The following SMARCA2 variants were observed in gnomAD, a reference collection of about 807,000 sequenced individuals.
SMARCA2 encodes the protein SWI/SNF related BAF chromatin remodeling complex subunit ATPase 2.
In SMARCA2, 61 loss-of-function variants were observed where a neutral mutation model predicts 199.8. That is an observed-to-expected ratio of 0.31 (90% CI 0.25 to 0.38). The LOEUF (loss-of-function observed/expected upper bound fraction) is 0.38. SMARCA2 is among the 10% of genes least tolerant of loss of function. The pLI is 1.00. For synonymous variants in SMARCA2, 935 were observed against 732.0 expected (o/e 1.28, Z -4.48); for missense variants, 1,344 against 2,012.2 (o/e 0.67, Z 6.35).
intron 13 of SMARCA2, 145 bp downstream of exon 13, chr9:2,076,474 G>A (rs1821328804): frequency 3.4e-6 from 2 of 585,802 alleles, no homozygotes; most frequent in Admixed American, 3.1e-5. Flanking sequence ...TCACCACTGA[G>A]TTCTGGGTTC....
rs573903558 is a variant in SMARCA2 at position 2,177,576 on chromosome 9, G to T, written c.4254-3995G>T. Among the ~76,000 whole-genome samples the T allele has an allele frequency of 1.5e-3, 226 of 150,832 alleles. 1 individual carries two copies. Among genetic ancestry groups the T allele is most frequent in the Middle Eastern group, 3.4e-3 (1 of 292 alleles). On this transcript the variant is annotated intron_variant, in intron 29 of 33. Coordinates refer to ENST00000349721, the MANE Select transcript of SMARCA2 (RefSeq NM_003070.5). ...TAGATTTCTTTTTTTTTTTGAAACT[G>T]AGTTTCGCTCTCGTTGCCCAGGCTG...
chr9:2,055,055 G>A (rs1320696263), intron 6 of SMARCA2, among the ~76,000 whole-genome samples: 1 of 152,182 alleles, frequency 6.6e-6, no homozygotes, highest in Non-Finnish European at 1.5e-5. Flanking sequence ...TGACTCCAAG[G>A]AAAAACCAGA....
chr9:2,136,780 A>G (rs1327220446), intron 27 of SMARCA2, among the ~76,000 whole-genome samples: 1 of 152,180 alleles, frequency 6.6e-6, no homozygotes, highest in East Asian at 1.9e-4. Context: ...ACAGATGGAA[A>G]TTGATAGAGA....
Position 2,016,724 on chromosome 9 carries a change from C to T in SMARCA2, c.-37+1320C>T, listed in dbSNP as rs910516810. On this transcript the variant is annotated intron_variant, in intron 1 of 33. Transcript: ENST00000349721. This position sits in a 1 kb window ranked among gnomAD's most constrained non-coding sequence, Gnocchi z 5.6. ...GGGGAGACCGGGTAGGAGCCTCCTCCCAACGATGACACGCACTCCTTCCTT... is the reference window on the plus strand; with the variant it reads ...GGGGAGACCGGGTAGGAGCCTCCTCTCAACGATGACACGCACTCCTTCCTT... 5.9e-5 allele frequency among the ~76,000 whole-genome samples: 9 copies of T among 152,074 alleles called. No individual in the cohort carries two copies. The highest frequency in any genetic ancestry group is 3.3e-4 in the Admixed American group (5 of 15,288).
chr9:2,032,253 C>G (rs1819103426), intron 2 of SMARCA2, among the ~76,000 whole-genome samples: 1 of 152,192 alleles, frequency 6.6e-6, no homozygotes. Flanking sequence ...TTGCCCAATT[C>G]TGGATTGGAT....
chr9:2,029,474 G>A (rs556683063), intron 2 of SMARCA2, among the ~76,000 whole-genome samples: 21 of 152,330 alleles, frequency 1.4e-4, no homozygotes, highest in Admixed American at 1.2e-3. Flanking sequence ...TACTGACATA[G>A]ACTATGCAGT....
intron 30 of SMARCA2, 33 bp downstream of exon 30, chr9:2,181,709 A>G: frequency 9.2e-7 from 1 of 1,082,976 alleles, no homozygotes; most frequent in South Asian, 1.3e-5. Flanking sequence ...TTATTCTTCA[A>G]GTAAATAAAG....
intron 4 of SMARCA2, chr9:2,041,375 G>A (rs1390169891): frequency 2.5e-6 from 1 of 398,634 alleles, no homozygotes; most frequent in Non-Finnish European, 4.4e-6. Context: ...AGCAGATTCA[G>A]TGTCTGGTGA....
At chr9:2,094,371 T>G (rs575881751) in intron 19 of SMARCA2, among the ~76,000 whole-genome samples, 4 of 152,258 alleles carry the variant, frequency 2.6e-5, no homozygotes, top group Non-Finnish European at 5.9e-5. Flanking sequence ...GGTATCACCA[T>G]GCATGCCTCC....
intron 29 of SMARCA2, among the ~76,000 whole-genome samples, chr9:2,177,147 C>T (rs1048669380): frequency 1.3e-5 from 2 of 152,168 alleles, no homozygotes; most frequent in African/African-American, 4.8e-5. Flanking sequence ...TATTAAACTT[C>T]ATAGGAACCT....
At chr9:2,143,963 AC>A (rs1398147689) in intron 27 of SMARCA2, among the ~76,000 whole-genome samples, 2 of 152,194 alleles carry the variant, frequency 1.3e-5, no homozygotes, top group African/African-American at 2.4e-5. Flanking sequence ...GAAAAGACAT[AC>A]AAAATGTTAA....
chr9:2,039,584 A>G lies in SMARCA2; in HGVS notation c.474A>G (p.Pro158=), dbSNP rs969557644. ...CAAGCCAGCCGGGGGCCCTCATCCC[A>G]GGTGATCCGCAGGCCATGAGCCAGC... ...MPPSQPGALI[P]GDPQAMSQPN... The change falls in exon 4 of 34, where the codon CCA becomes CCG. Residue 158 remains proline, a synonymous_variant. Coordinates refer to ENST00000349721, the MANE Select transcript of SMARCA2 (RefSeq NM_003070.5). This position sits in a 1 kb window ranked among gnomAD's most constrained non-coding sequence, Gnocchi z 4.8. 2 of 1,614,064 alleles carry G rather than the reference A, an allele frequency of 1.2e-6. No individual in the cohort carries two copies. The highest frequency in any genetic ancestry group is 1.7e-6 in the Non-Finnish European group (2 of 1,180,040).
In SMARCA2 at chr9:2,101,580, C is replaced by A; in HGVS notation, c.3089C>A (p.Ala1030Asp). 1 of 1,536,106 alleles carries A rather than the reference C, an allele frequency of 6.5e-7. No individual in the cohort carries two copies. Among genetic ancestry groups the A allele is most frequent in the Non-Finnish European group, 8.9e-7 (1 of 1,125,390 alleles). Reference sequence around the variant, plus strand: ...CTCTCTCTTTTAAAGGAATCCTTTGCTGAACACCTAGGCTATTCAAATGGG... The same window carrying A: ...CTCTCTCTTTTAAAGGAATCCTTTGATGAACACCTAGGCTATTCAAATGGG... ...YMFQHIEESF[A>D]EHLGYSNGVI... The change falls in exon 22 of 34, where the codon GCT becomes GAT. Residue 1030 changes from alanine to aspartate, a missense_variant. Physicochemically the swap from Ala to Asp is moderately radical, Grantham distance 126. This residue lies in a region of SMARCA2 where 98 missense variants were observed against 245.6 expected (regional missense o/e 0.40). Coordinates refer to ENST00000349721, the MANE Select transcript of SMARCA2 (RefSeq NM_003070.5).
intron 29 of SMARCA2, chr9:2,181,218 A>T: frequency 5.0e-6 from 1 of 201,984 alleles, no homozygotes. Flanking sequence ...ATATATATAC[A>T]TATATATTTA....
At chr9:2,023,318 G>A (rs964918165) in intron 1 of SMARCA2, among the ~76,000 whole-genome samples, 6 of 152,200 alleles carry the variant, frequency 3.9e-5, no homozygotes, top group Non-Finnish European at 8.8e-5. Context: ...AGTGAGGGTA[G>A]CAGCTCACCC....
chr9:2,181,548 T>C, intron 29 of SMARCA2, 23 bp from the exon 30 acceptor site: 3 of 1,192,478 alleles, frequency 2.5e-6, no homozygotes, highest in Non-Finnish European at 3.8e-6. Context: ...GGCTTGTTTT[T>C]GTTTGTTTCA....
chr9:2,121,690 A>G (rs774233503), intron 26 of SMARCA2, among the ~76,000 whole-genome samples: 60 of 152,236 alleles, frequency 3.9e-4, no homozygotes, highest in Admixed American at 2.0e-4. Flanking sequence ...TTTACACATG[A>G]TAAGCAGATA....
chr9:2,029,680 A>G (rs1003860165), intron 2 of SMARCA2, among the ~76,000 whole-genome samples: 1 of 152,248 alleles, frequency 6.6e-6, no homozygotes, highest in African/African-American at 2.4e-5. Context: ...AGAAGGAAAA[A>G]GTCCTTATCT....
intron 1 of SMARCA2, among the ~76,000 whole-genome samples, chr9:2,027,235 A>G (rs757842251): frequency 6.6e-6 from 1 of 152,096 alleles, no homozygotes; most frequent in Non-Finnish European, 1.5e-5. Flanking sequence ...TGAGGCCAGG[A>G]GTTCAAGACC....
Sources: allele counts gnomAD v4.1 joint callset (sites outside exome capture counted in the v4.1 genomes callset), GRCh38; gene constraint gnomAD v4.1.1; regional missense constraint gnomAD v4.1.1; non-coding constraint Gnocchi (gnomAD v3.1); transcripts MANE v1.5; gene names NCBI Gene and HGNC (gene_info 2026-07-23, HGNC 2026-07-21).